Variants in CNTLN observed in about 807,000 individuals in gnomAD.
CNTLN encodes the protein centlein, centrosomal protein.
A neutral mutation model predicts 180.0 loss-of-function variants in CNTLN; 212 were observed. That is an observed-to-expected ratio of 1.18 (90% CI 1.05 to 1.32). The LOEUF (loss-of-function observed/expected upper bound fraction) is 1.32, where lower values mean the gene tolerates loss of function less well. CNTLN is among the 40% of genes most tolerant of loss of function. The pLI is 0.00. For synonymous variants in CNTLN, 722 were observed against 563.1 expected (o/e 1.28, Z -3.99); for missense variants, 2,095 against 1,610.9 (o/e 1.30, Z -5.14).
intron 3 of CNTLN, among the ~76,000 whole-genome samples, chr9:17,232,075 T>A (rs1483572432): frequency 6.6e-6 from 1 of 152,096 alleles, no homozygotes; most frequent in African/African-American, 2.4e-5. Flanking sequence ...TTGAAAAATA[T>A]TAATAAAGCT....
chr9:17,230,516 C>T (rs188294035), intron 3 of CNTLN, among the ~76,000 whole-genome samples: 1 of 151,818 alleles, frequency 6.6e-6, no homozygotes, highest in East Asian at 1.9e-4. Context: ...TCCCCCCTCC[C>T]CTTACCCCCT....
At chr9:17,500,995 A>G (rs1833725265) in intron 25 of CNTLN, among the ~76,000 whole-genome samples, 1 of 152,182 alleles carries the variant, frequency 6.6e-6, no homozygotes, top group African/African-American at 2.4e-5. Flanking sequence ...CCATAAGAGA[A>G]CTGATCATAT....
At chr9:17,159,284 A>G (rs941053198) in intron 2 of CNTLN, among the ~76,000 whole-genome samples, 2 of 152,152 alleles carry the variant, frequency 1.3e-5, no homozygotes, top group African/African-American at 2.4e-5. Flanking sequence ...TTTCTTTGGA[A>G]AGAGATTAGG....
chr9:17,210,211 C>T (rs779412243), intron 2 of CNTLN, among the ~76,000 whole-genome samples: 9 of 152,146 alleles, frequency 5.9e-5, no homozygotes, highest in Middle Eastern at 3.2e-3. Context: ...TATTCCTCCC[C>T]GCTCCCCCTA....
At chr9:17,251,172 A>C (rs1826117884) in intron 5 of CNTLN, among the ~76,000 whole-genome samples, 1 of 151,840 alleles carries the variant, frequency 6.6e-6, no homozygotes, top group African/African-American at 2.4e-5. Flanking sequence ...TACTTTGAAG[A>C]TTGTCTCTTT....
rs1041524925 is a variant in CNTLN at position 17,216,129 on chromosome 9, A to G, written c.450-10074A>G. 3.9e-5 allele frequency among the ~76,000 whole-genome samples: 6 copies of G among 152,116 alleles called. No homozygotes were observed. In the East Asian group the frequency reaches 9.8e-4, roughly 25 times the overall value. ...TCAGTTGGAAATGCAGAAATCACCCATCTTCTGAGTTGCTCACTCTTGGAG... is the reference window on the plus strand; with the variant it reads ...TCAGTTGGAAATGCAGAAATCACCCGTCTTCTGAGTTGCTCACTCTTGGAG... On this transcript the variant is annotated intron_variant, in intron 2 of 25. Transcript: ENST00000380647.
At chr9:17,228,029 A>G (rs1281421634) in intron 3 of CNTLN, among the ~76,000 whole-genome samples, 1 of 151,970 alleles carries the variant, frequency 6.6e-6, no homozygotes, top group African/African-American at 2.4e-5. Flanking sequence ...AAATTTGGCC[A>G]CCCCAAGATT....
At chr9:17,262,327 A>C (rs1460512832) in intron 5 of CNTLN, among the ~76,000 whole-genome samples, 3 of 151,622 alleles carry the variant, frequency 2.0e-5, no homozygotes, top group Non-Finnish European at 2.9e-5. Flanking sequence ...AACCAACCCA[A>C]ATGCCCATCA....
At chr9:17,405,135 T>C (rs1035390551) in intron 15 of CNTLN, among the ~76,000 whole-genome samples, 9 of 151,740 alleles carry the variant, frequency 5.9e-5, no homozygotes, top group Admixed American at 1.3e-4. Context: ...TTTGACACAG[T>C]TGATTTCTAC....
chr9:17,194,349 T>C (rs1392834192), intron 2 of CNTLN, among the ~76,000 whole-genome samples: 1 of 152,236 alleles, frequency 6.6e-6, no homozygotes, highest in Non-Finnish European at 1.5e-5. Flanking sequence ...CCTAAATGTC[T>C]TTAACAGTAT....
intron 6 of CNTLN, among the ~76,000 whole-genome samples, chr9:17,278,031 C>G (rs1239888133): frequency 6.6e-6 from 1 of 152,082 alleles, no homozygotes; most frequent in Non-Finnish European, 1.5e-5. Flanking sequence ...ACGGAAGCTG[C>G]CCAATAAGAC....
At chr9:17,257,577 G>C (rs1563927039) in intron 5 of CNTLN, among the ~76,000 whole-genome samples, 1 of 151,318 alleles carries the variant, frequency 6.6e-6, no homozygotes, top group East Asian at 1.9e-4. Flanking sequence ...GGTTGAATTA[G>C]TTTACAGTCC....
At chr9:17,521,692 G>A in the CNTLN span, among the ~76,000 whole-genome samples, 1 of 152,142 alleles carries the variant, frequency 6.6e-6, no homozygotes, top group Non-Finnish European at 1.5e-5. Flanking sequence ...GCAGGTGAGA[G>A]ACAAAGGTGA....
intron 18 of CNTLN, among the ~76,000 whole-genome samples, chr9:17,438,332 A>G (rs1829901267): frequency 6.6e-6 from 1 of 152,170 alleles, no homozygotes; most frequent in African/African-American, 2.4e-5. Context: ...ATTAGTAGAA[A>G]TAGAAAGTTT....
rs574110213 is a variant in CNTLN at position 17,302,492 on chromosome 9, C to A, written c.1146+4140C>A. Among the ~76,000 whole-genome samples, 4 of 152,272 alleles carry A rather than the reference C, an allele frequency of 2.6e-5. No homozygotes were observed. In the South Asian group the frequency reaches 8.3e-4, roughly 32 times the overall value. On this transcript the variant is annotated intron_variant, in intron 7 of 25. Transcript: ENST00000380647. ...GGGATTATAGGTGTGAGCCACTGTG[C>A]CTGGCCCAATTCACTTTTAATTAGT...
At chr9:17,144,031 A>T (rs543490419) in intron 2 of CNTLN, among the ~76,000 whole-genome samples, 56 of 152,334 alleles carry the variant, frequency 3.7e-4, no homozygotes, top group African/African-American at 1.3e-3. Context: ...GGATTTCATT[A>T]TACTTTTTAA....
intron 5 of CNTLN, among the ~76,000 whole-genome samples, chr9:17,252,911 A>G (rs1587346699): frequency 6.6e-6 from 1 of 151,656 alleles, no homozygotes; most frequent in Admixed American, 6.6e-5. Flanking sequence ...ATTACAATTA[A>G]GCCTTTAATC....
chr9:17,187,851 A>C (rs1821526704), intron 2 of CNTLN, among the ~76,000 whole-genome samples: 1 of 151,568 alleles, frequency 6.6e-6, no homozygotes. Flanking sequence ...TGTAATATGT[A>C]ACCAGAAGCA....
intron 15 of CNTLN, among the ~76,000 whole-genome samples, chr9:17,402,759 G>C (rs1827080244): frequency 6.6e-6 from 1 of 151,754 alleles, no homozygotes; most frequent in Non-Finnish European, 1.5e-5. Context: ...ACTAGAACTA[G>C]AAAATTGACT....
Sources: gnomAD v4.1 joint callset for allele counts (sites outside exome capture counted in the v4.1 genomes callset) on GRCh38, gnomAD v4.1.1 for gene constraint, MANE v1.5 for transcripts, NCBI Gene and HGNC (gene_info 2026-07-23, HGNC 2026-07-21) for gene names.